The following SLC35E4 variants were observed in gnomAD, a reference collection of about 807,000 sequenced individuals.
The protein encoded by SLC35E4 is solute carrier family 35 member E4.
In SLC35E4, 15 loss-of-function variants were observed where a neutral mutation model predicts 19.3. The ratio of observed to expected loss-of-function variants is 0.78; its 90% CI spans 0.52 to 1.20. SLC35E4 has a LOEUF of 1.20. SLC35E4 is among the 50% of genes most tolerant of loss of function. The pLI is 0.00. For synonymous variants in SLC35E4, 219 were observed against 219.9 expected, an observed-to-expected ratio of 1.00 and a Z score of 0.04; for missense variants, 406 against 472.3, an observed-to-expected ratio of 0.86 and a Z score of 1.30.
chr22:30,651,637 A>G (rs1569062307), downstream of SLC35E4, among the ~76,000 whole-genome samples: 1 of 151,364 alleles, frequency 6.6e-6, no homozygotes. Flanking sequence ...TATGTAGAGA[A>G]AAAATTGGAG....
At chr22:30,656,902 C>T (rs1017600273) in intron 2 of SLC35E4, among the ~76,000 whole-genome samples, 8 of 151,958 alleles carry the variant, frequency 5.3e-5, no homozygotes, top group African/African-American at 1.9e-4. Context: ...ATCACTTGAG[C>T]CCAGGAGTTC....
chr22:30,651,513 C>T (rs2088223018), downstream of SLC35E4, among the ~76,000 whole-genome samples: 1 of 138,260 alleles, frequency 7.2e-6, no homozygotes, highest in African/African-American at 2.8e-5. Flanking sequence ...CTCCTGACCT[C>T]AAGAAATCCA....
chr22:30,663,443 T>C (rs2088539221), downstream of SLC35E4: 1 of 1,608,058 alleles, frequency 6.2e-7, no homozygotes, highest in Admixed American at 1.7e-5. Flanking sequence ...TGGCTCACAG[T>C]GGAATCATCA....
Position 30,635,944 on chromosome 22 carries a change from C to G in SLC35E4, c.-507C>G, listed in dbSNP as rs1272285401. 1 of 152,484 alleles carries G rather than the reference C, an allele frequency of 6.6e-6. No individual in the cohort carries two copies. Among genetic ancestry groups the G allele is most frequent in the African/African-American group, 2.4e-5 (1 of 41,438 alleles). 9.4% of individuals were successfully genotyped at this position (152,484 alleles called of 1,614,324 possible). On this transcript the variant is annotated 5_prime_UTR_variant, in exon 1 of 2. Coordinates refer to ENST00000343605, the MANE Select transcript of SLC35E4 (RefSeq NM_001001479.4). ...CCGTGGTGTCAGCTCACTGCCCGGG[C>G]GCTGTGGGAGGCAGCGAGCCCGCGA...
chr22:30,643,209 G>GCT (rs1491571477), intron 1 of SLC35E4, among the ~76,000 whole-genome samples: 2 of 152,172 alleles, frequency 1.3e-5, no homozygotes, highest in Non-Finnish European at 2.9e-5. Context: ...TGCTGAGCTT[G>GCT]CTCTCAGCTG....
At chr22:30,660,277 T>C (rs2088430570) in intron 2 of SLC35E4, among the ~76,000 whole-genome samples, 1 of 151,752 alleles carries the variant, frequency 6.6e-6, no homozygotes, top group Non-Finnish European at 1.5e-5. Flanking sequence ...AGTAAACTAA[T>C]ACATTATCCA....
chr22:30,638,377 C>G (rs2087982712), intron 1 of SLC35E4, among the ~76,000 whole-genome samples: 1 of 151,652 alleles, frequency 6.6e-6, no homozygotes, highest in Non-Finnish European at 1.5e-5. Flanking sequence ...TGGCAGGTGT[C>G]TGTAATCCCA....
downstream of SLC35E4, among the ~76,000 whole-genome samples, chr22:30,666,621 C>CA (rs55979351): frequency 2.9e-3 from 183 of 62,468 alleles, 8 homozygotes; most frequent in East Asian, 3.9e-3. Flanking sequence ...GACTCCATCT[C>CA]AAAAAAAAAA....
chr22:30,639,675 C>T (rs540525961), intron 1 of SLC35E4, among the ~76,000 whole-genome samples: 21 of 152,312 alleles, frequency 1.4e-4, no homozygotes, highest in Admixed American at 1.2e-3. Context: ...CAACATTTCT[C>T]CCATTTGCTT....
chr22:30,663,697 G>A, downstream of SLC35E4: 1 of 1,614,258 alleles, frequency 6.2e-7, no homozygotes, highest in Non-Finnish European at 8.5e-7. Flanking sequence ...GCAGCACAGT[G>A]CAGCAAAGTA....
At position 30,646,788 on chromosome 22, in the gene SLC35E4, G is replaced by A. The variant is rs367681234; in HGVS notation, c.810G>A (p.Leu270=). The change falls in exon 2 of 2, where the codon CTG becomes CTA. Residue 270 remains leucine (L), a synonymous_variant. Coordinates refer to ENST00000343605, the MANE Select transcript of SLC35E4 (RefSeq NM_001001479.4). ...GCCTCCTGTCTGTTCTCTATAACCTGGCCAGCTTCTCCCTGCTGGCCCTCA... is the reference window on the plus strand; with the variant it reads ...GCCTCCTGTCTGTTCTCTATAACCTAGCCAGCTTCTCCCTGCTGGCCCTCA... ...LSCLLSVLYN[L]ASFSLLALTS... 22 of 1,614,034 alleles carry A rather than the reference G, an allele frequency of 1.4e-5. No homozygotes were observed. Among genetic ancestry groups the A allele is most frequent in the African/African-American group, 6.7e-5 (5 of 74,924 alleles).
intron 1 of SLC35E4, among the ~76,000 whole-genome samples, chr22:30,639,407 G>A (rs186551542): frequency 4.5e-4 from 68 of 152,202 alleles, no homozygotes; most frequent in African/African-American, 1.6e-3. Flanking sequence ...ATGAAGTTTC[G>A]GGCACGCATT....
downstream of SLC35E4, among the ~76,000 whole-genome samples, chr22:30,648,678 C>T (rs2088169403): frequency 1.3e-5 from 2 of 152,070 alleles, no homozygotes; most frequent in Admixed American, 1.3e-4. Context: ...TGCAGTGAGC[C>T]GAGATTGTGC....
At chr22:30,655,975 C>T (rs555171309) in intron 2 of SLC35E4, among the ~76,000 whole-genome samples, 1 of 151,802 alleles carries the variant, frequency 6.6e-6, no homozygotes, top group African/African-American at 2.4e-5. Context: ...TGAGGCACCA[C>T]TGCACTGCAT....
intron 2 of SLC35E4, among the ~76,000 whole-genome samples, chr22:30,655,140 G>A (rs2088309011): frequency 6.6e-6 from 1 of 152,036 alleles, no homozygotes; most frequent in African/African-American, 2.4e-5. Context: ...GTCTGGCCCA[G>A]GGTTGTAGGG....
Position 30,663,263 on chromosome 22 carries a change from T to G in SLC35E4, c.*1212T>G, listed in dbSNP as rs2240002. On this transcript the variant is annotated 3_prime_UTR_variant, in exon 3 of 3. Transcript: ENST00000406566. ...CACCATCTCACAATTAGTTTAATCT[T>G]AAAAAAAATGGATTATAAAGTTAAA... 0.56 allele frequency: 383,313 copies of G among 682,790 alleles called. 112,863 individuals are homozygous for G. Among genetic ancestry groups the G allele is most frequent in the South Asian group, 0.66 (30,797 of 46,906 alleles). The allele number at this position is 682,790 out of a possible 1,614,324, so 42.3% of individuals were successfully genotyped here.
chr22:30,647,840 C>T lies in SLC35E4; in HGVS notation c.*809C>T, dbSNP rs1177453978. 6.6e-6 allele frequency: 1 copy of T among 152,452 alleles called. No individual in the cohort carries two copies. Among genetic ancestry groups the T allele is most frequent in the Non-Finnish European group, 1.5e-5 (1 of 68,244 alleles). The allele number at this position is 152,452 out of a possible 1,614,324, so 9.4% of individuals were successfully genotyped here. ...CCAGGCAGCTGCTGTGGCCTCACCC[C>T]TGGGCCCCCCAATTTTGGGTCATCC... On this transcript the variant is annotated 3_prime_UTR_variant, in exon 2 of 2. Coordinates refer to ENST00000343605, the MANE Select transcript of SLC35E4 (RefSeq NM_001001479.4).
intron 2 of SLC35E4, among the ~76,000 whole-genome samples, chr22:30,659,691 G>A (rs2088420799): frequency 6.6e-6 from 1 of 152,160 alleles, no homozygotes; most frequent in Non-Finnish European, 1.5e-5. Context: ...TAAGAATCAA[G>A]ATTTGGAAAT....
intron 1 of SLC35E4, among the ~76,000 whole-genome samples, chr22:30,639,698 A>G (rs142392387): frequency 0.014 from 2,100 of 152,340 alleles, 39 homozygotes; most frequent in African/African-American, 0.048. Context: ...GAAAGAAGAG[A>G]AATATGGCTC....
Sources: allele counts gnomAD v4.1 joint callset (sites outside exome capture counted in the v4.1 genomes callset), GRCh38; gene constraint gnomAD v4.1.1; transcripts MANE v1.5; gene names NCBI Gene and HGNC (gene_info 2026-07-23, HGNC 2026-07-21).